The following C19orf18 variants were observed in gnomAD, a reference collection of about 807,000 sequenced individuals.
C19orf18 encodes the protein chromosome 19 open reading frame 18.
A neutral mutation model predicts 23.3 loss-of-function variants in C19orf18; 21 were observed. That is an observed-to-expected ratio of 0.90 (90% CI 0.64 to 1.30). The LOEUF is 1.30. Ranked by LOEUF, C19orf18 falls within the 50% of genes most tolerant of loss-of-function variation. The probability of loss-of-function intolerance (pLI) is 0.00; values close to 1 mark genes in which losing one functional copy is unlikely to be tolerated. For missense variants in C19orf18, 249 were observed against 259.6 expected, an observed-to-expected ratio of 0.96 and a Z score of 0.28; for synonymous variants, 96 against 95.2, an observed-to-expected ratio of 1.01 and a Z score of -0.05.
At chr19:57,974,043 A>G in intron 2 of C19orf18, 56 bp downstream of exon 2, 2 of 1,534,170 alleles carry the variant, frequency 1.3e-6, no homozygotes, top group Non-Finnish European at 1.8e-6. Flanking sequence ...CATGGCAGAT[A>G]AGAGGACTCC....
Position 57,972,517 on chromosome 19 carries a change from C to T in C19orf18, c.227-13G>A, listed in dbSNP as rs971096656. Reference sequence around the variant, plus strand: ...GTAGGGGATGCAGCTAAAAGGCCATCAAAGGGGATCAAAAAGAAGAGACTT... The same window carrying T: ...GTAGGGGATGCAGCTAAAAGGCCATTAAAGGGGATCAAAAAGAAGAGACTT... On this transcript the variant is annotated splice_polypyrimidine_tract_variant and intron_variant, in intron 2 of 5. Coordinates refer to ENST00000314391, the MANE Select transcript of C19orf18 (RefSeq NM_152474.5). The T allele has an allele frequency of 6.2e-7, 1 of 1,613,456 alleles. No homozygotes were observed. Among genetic ancestry groups the T allele is most frequent in the Non-Finnish European group, 8.5e-7 (1 of 1,179,568 alleles).
In C19orf18 at chr19:57,960,382, T is replaced by C. The variant is rs567468045; in HGVS notation, c.532+1009A>G. Among the ~76,000 whole-genome samples, 9 of 140,684 alleles carry C rather than the reference T, an allele frequency of 6.4e-5. No homozygotes were observed. In the East Asian group the frequency reaches 1.0e-3, roughly 16 times the overall value. The allele number at this position is 140,684 out of a possible 152,430, so 92.3% of individuals were successfully genotyped here. ...CAGAGCTTGCAGCGAGCTGAGATCATGCCACTGCACTCCAGCCTGGGCAAC... is the reference window on the plus strand; with the variant it reads ...CAGAGCTTGCAGCGAGCTGAGATCACGCCACTGCACTCCAGCCTGGGCAAC... On this transcript the variant is annotated intron_variant, in intron 5 of 5. Transcript: ENST00000314391.
Position 57,958,698 on chromosome 19 carries a change from GCTT to G in C19orf18, c.549_551del (p.Arg183del). 6.4e-7 allele frequency: 1 copy of G among 1,573,690 alleles called. No individual in the cohort carries two copies. The highest frequency in any genetic ancestry group is 1.2e-5 in the South Asian group (1 of 86,812). The stretch of plus-strand genomic sequence containing the variant: ...CCTTCAGTTTCTTCTTAATATTTTT[GCTT>G]CTTTTTGATATAATAACTAAAATGT... On this transcript the variant is annotated inframe_deletion, in exon 6 of 6. Coordinates refer to ENST00000314391, the MANE Select transcript of C19orf18 (RefSeq NM_152474.5).
chr19:57,969,874 C>T (rs1484879145), intron 3 of C19orf18, among the ~76,000 whole-genome samples: 1 of 120,048 alleles, frequency 8.3e-6, no homozygotes, highest in African/African-American at 3.2e-5. Context: ...ATTGAAACTC[C>T]ATCTCAAAAA....
chr19:57,967,078 C>T (rs1206386918), intron 3 of C19orf18, among the ~76,000 whole-genome samples: 2 of 146,520 alleles, frequency 1.4e-5, no homozygotes, highest in East Asian at 2.0e-4. Context: ...TGTGAAACTC[C>T]GTCTCAAAAA....
At chr19:57,963,657 G>A (rs1281179145) in intron 4 of C19orf18, among the ~76,000 whole-genome samples, 4 of 152,114 alleles carry the variant, frequency 2.6e-5, no homozygotes, top group Non-Finnish European at 5.9e-5. Context: ...GGAGTCCGAG[G>A]CGGGCGGATC....
At chr19:57,973,748 G>C (rs1385870174) in intron 2 of C19orf18, among the ~76,000 whole-genome samples, 1 of 150,458 alleles carries the variant, frequency 6.6e-6, no homozygotes, top group South Asian at 2.1e-4. Flanking sequence ...AGAAAAAAAA[G>C]AATTCTGTAC....
rs1446551429 is a variant in C19orf18, at chr19:57,966,533, A to G, written c.368T>C (p.Ile123Thr). ...ATATTACTTAGCAGATACTTACTATATCATATAGGAGATTGCCATCCCACA... is the reference window on the plus strand; with the variant it reads ...ATATTACTTAGCAGATACTTACTATGTCATATAGGAGATTGCCATCCCACA... The part of the protein sequence containing the change: ...LICGMAISYM[I>T]YRLAQAEERQ... Residue 123 changes from isoleucine to threonine, a missense_variant, in exon 4 of 6, where the codon ATA becomes ACA. Coordinates refer to ENST00000314391, the MANE Select transcript of C19orf18 (RefSeq NM_152474.5). 2 of 1,583,884 alleles carry G rather than the reference A, an allele frequency of 1.3e-6. No individual in the cohort carries two copies. The highest frequency in any genetic ancestry group is 1.3e-5 in the African/African-American group (1 of 74,174).
chr19:57,967,709 G>A (rs953940352), intron 3 of C19orf18, among the ~76,000 whole-genome samples: 14 of 151,332 alleles, frequency 9.3e-5, no homozygotes, highest in African/African-American at 2.7e-4. Context: ...GTGAGATTGC[G>A]CCATTACACT....
intron 4 of C19orf18, among the ~76,000 whole-genome samples, chr19:57,965,101 T>C (rs1172959853): frequency 1.4e-5 from 2 of 148,116 alleles, no homozygotes; most frequent in African/African-American, 2.5e-5. Context: ...CCTTCCAGAG[T>C]AGCAAGTTCT....
Position 57,961,539 on chromosome 19 carries a change from C to T in C19orf18, c.384G>A (p.Gln128=), listed in dbSNP as rs144297627. The part of the protein sequence containing the change: ...AISYMIYRLA[Q]AEERQQLESL... ...ACTCGAGCTGTTGTCTTTCCTCAGC[C>T]TGTGCCAGTCGACTGGAGAATGATA... Residue 128 remains glutamine, a synonymous_variant, in exon 5 of 6, where the codon CAG becomes CAA. Transcript: ENST00000314391. 5.0e-6 allele frequency: 8 copies of T among 1,611,796 alleles called. No individual in the cohort carries two copies. The highest frequency in any genetic ancestry group is 1.3e-5 in the African/African-American group (1 of 74,750).
intron 4 of C19orf18, among the ~76,000 whole-genome samples, chr19:57,964,819 G>C (rs543616269): frequency 1.3e-5 from 2 of 152,280 alleles, no homozygotes; most frequent in African/African-American, 4.8e-5. Flanking sequence ...AGCTGTTTCT[G>C]GTGGGATACA....
intron 2 of C19orf18, 36 bp downstream of exon 2, chr19:57,974,063 T>C (rs1451672600): frequency 6.3e-7 from 1 of 1,595,200 alleles, no homozygotes; most frequent in Admixed American, 1.7e-5. Flanking sequence ...CAGGCTACGA[T>C]TCTCACTCCA....
chr19:57,970,586 AT>A (rs879729462), intron 3 of C19orf18, among the ~76,000 whole-genome samples: 116 of 145,666 alleles, frequency 8.0e-4, no homozygotes, highest in South Asian at 8.8e-4. Context: ...TTTCCATATA[AT>A]TTTTTTTTTT....
intron 5 of C19orf18, among the ~76,000 whole-genome samples, chr19:57,960,478 T>C (rs1319992725): frequency 6.6e-6 from 1 of 150,524 alleles, no homozygotes; most frequent in Admixed American, 6.6e-5. Flanking sequence ...AAATAATCAA[T>C]TTCATCCTCT....
At chr19:57,968,756 T>C (rs1241094449) in intron 3 of C19orf18, among the ~76,000 whole-genome samples, 1 of 152,186 alleles carries the variant, frequency 6.6e-6, no homozygotes, top group Non-Finnish European at 1.5e-5. Flanking sequence ...CCTGATGCTC[T>C]GGCATTTGGG....
At chr19:57,971,992 G>A (rs1293633906) in intron 3 of C19orf18, among the ~76,000 whole-genome samples, 1 of 152,176 alleles carries the variant, frequency 6.6e-6, no homozygotes, top group East Asian at 1.9e-4. Context: ...TGGGGGAGCT[G>A]ACTCAGAAGC....
chr19:57,973,760 C>T (rs758569956), intron 2 of C19orf18, among the ~76,000 whole-genome samples: 12 of 151,754 alleles, frequency 7.9e-5, no homozygotes, highest in South Asian at 2.1e-4. Context: ...ATTCTGTACA[C>T]TCACAAACCT....
In C19orf18 at chr19:57,972,363, C is replaced by G. The variant is rs1242184891; in HGVS notation, c.268+100G>C. On this transcript the variant is annotated intron_variant, in intron 3 of 5. Transcript: ENST00000314391. ...AACACACATGAAGGCACCACGTGTG[C>G]AGGCTCCTTGGTGACCAGCCAGCAC... 4 of 1,403,936 alleles carry G rather than the reference C, an allele frequency of 2.8e-6. No individual in the cohort carries two copies. In the Admixed American group the frequency reaches 8.2e-5, roughly 29 times the overall value. The allele number at this position is 1,403,936 out of a possible 1,614,324, so 87.0% of individuals were successfully genotyped here.
Sources: gnomAD v4.1 joint callset for allele counts (sites outside exome capture counted in the v4.1 genomes callset) on GRCh38, gnomAD v4.1.1 for gene constraint, MANE v1.5 for transcripts, NCBI Gene and HGNC (gene_info 2026-07-23, HGNC 2026-07-21) for gene names.